The following SPACA7 variants were observed in gnomAD, a reference collection of about 807,000 sequenced individuals.
The protein encoded by SPACA7 is sperm acrosome associated 7.
A neutral mutation model predicts 26.3 loss-of-function variants in SPACA7; 19 were observed. The observed-to-expected ratio is 0.72, with a 90% CI of 0.50 to 1.06. The LOEUF is 1.06. Among genes scored for constraint, SPACA7 ranks in the 50% least tolerant of loss-of-function variants. The pLI, the probability that SPACA7 is intolerant of heterozygous loss-of-function variation, is 0.00. For missense variants in SPACA7, 211 were observed against 229.9 expected (o/e 0.92, Z 0.53); for synonymous variants, 84 against 84.5 (o/e 0.99, Z 0.04).
chr13:112,389,687 A>C (rs1884749740), intron 1 of SPACA7, among the ~76,000 whole-genome samples: 2 of 152,246 alleles, frequency 1.3e-5, no homozygotes, highest in South Asian at 2.1e-4. Flanking sequence ...GTACATACAC[A>C]TACAGACAGA....
chr13:112,382,201 G>A (rs938229701), intron 1 of SPACA7: 21 of 455,080 alleles, frequency 4.6e-5, no homozygotes, highest in Non-Finnish European at 2.7e-5. Flanking sequence ...TCTTGCAAAC[G>A]TGGTTTCAAT....
At chr13:112,394,681 T>TA (rs1186673974) in intron 2 of SPACA7, among the ~76,000 whole-genome samples, 1 of 152,190 alleles carries the variant, frequency 6.6e-6, no homozygotes, top group African/African-American at 2.4e-5. Flanking sequence ...AGGCAGGAGT[T>TA]AGACTCCCCA....
At chr13:112,393,984 C>CAA (rs35094954) in intron 2 of SPACA7, among the ~76,000 whole-genome samples, 15,944 of 133,130 alleles carry the variant, frequency 0.12, 1,987 homozygotes, top group African/African-American at 0.32. Context: ...GACTCTGTCT[C>CAA]AAAAAAAAAA....
At chr13:112,396,969 CA>C (rs1885309558) in intron 2 of SPACA7, among the ~76,000 whole-genome samples, 1 of 152,156 alleles carries the variant, frequency 6.6e-6, no homozygotes, top group Non-Finnish European at 1.5e-5. Context: ...AAATTCCTCG[CA>C]GAGCTGGTAG....
chr13:112,397,425 T>C (rs1885347143), intron 2 of SPACA7, among the ~76,000 whole-genome samples: 1 of 152,184 alleles, frequency 6.6e-6, no homozygotes, highest in South Asian at 2.1e-4. Flanking sequence ...ACCTTCTGCA[T>C]ACACTGCTTT....
chr13:112,408,687 GAAC>G (rs1481629143), intron 5 of SPACA7, among the ~76,000 whole-genome samples: 1 of 152,066 alleles, frequency 6.6e-6, no homozygotes, highest in Non-Finnish European at 1.5e-5. Flanking sequence ...TCTTCAAGGA[GAAC>G]AACAAACCAC....
At chr13:112,416,569 G>A (rs1169679798) in intron 5 of SPACA7, among the ~76,000 whole-genome samples, 1 of 152,162 alleles carries the variant, frequency 6.6e-6, no homozygotes, top group Non-Finnish European at 1.5e-5. Flanking sequence ...TTACAGGTGT[G>A]AGCCACCATG....
intron 1 of SPACA7, among the ~76,000 whole-genome samples, chr13:112,377,903 G>A (rs895670476): frequency 3.9e-5 from 6 of 152,174 alleles, no homozygotes; most frequent in African/African-American, 4.8e-5. Flanking sequence ...ATTTATAGTT[G>A]GAAACACAGT....
chr13:112,408,354 G>A (rs993705534), intron 5 of SPACA7, among the ~76,000 whole-genome samples: 14 of 152,142 alleles, frequency 9.2e-5, no homozygotes, highest in African/African-American at 3.4e-4. Flanking sequence ...ACATAGTGTT[G>A]GAAATTCCAG....
chr13:112,388,208 T>A (rs1446790315), intron 1 of SPACA7, among the ~76,000 whole-genome samples: 57 of 152,196 alleles, frequency 3.7e-4, no homozygotes. Context: ...AGAGTATCCC[T>A]TTCAAACTAT....
At position 112,434,577 on chromosome 13, in the gene SPACA7, G is replaced by C; in HGVS notation, c.*28G>C. The stretch of plus-strand genomic sequence containing the variant: ...CCGCAGCCCCAGACCCCCTGCGCAG[G>C]AGAGGAGCCTGCTAGAACCCCCACC... On this transcript the variant is annotated 3_prime_UTR_variant, in exon 7 of 7. Transcript: ENST00000283550. The C allele has an allele frequency of 1.3e-6, 2 of 1,577,972 alleles. No individual in the cohort carries two copies. The highest frequency in any genetic ancestry group is 2.3e-5 in the East Asian group (1 of 43,260).
intron 5 of SPACA7, among the ~76,000 whole-genome samples, chr13:112,432,036 T>C (rs1355844705): frequency 6.6e-6 from 1 of 152,182 alleles, no homozygotes; most frequent in Non-Finnish European, 1.5e-5. Flanking sequence ...AAAACCTGTG[T>C]CCGGGTCCAA....
At chr13:112,396,625 A>G (rs1885280499) in intron 2 of SPACA7, among the ~76,000 whole-genome samples, 1 of 152,138 alleles carries the variant, frequency 6.6e-6, no homozygotes, top group Admixed American at 6.5e-5. Flanking sequence ...CAAGACCCCT[A>G]TCTCACTGGA....
At chr13:112,412,426 T>C (rs114686325) in intron 5 of SPACA7, among the ~76,000 whole-genome samples, 2,388 of 152,282 alleles carry the variant, frequency 0.016, 55 homozygotes, top group African/African-American at 0.055. Context: ...TTATTGATTG[T>C]TTCATTAGTT....
intron 1 of SPACA7, chr13:112,382,465 C>G (rs1484069596): frequency 6.5e-6 from 10 of 1,550,200 alleles, no homozygotes; most frequent in Non-Finnish European, 8.7e-6. Flanking sequence ...CTGGCTTCTT[C>G]CCACTGACAG....
chr13:112,401,914 C>T (rs2138963557), intron 5 of SPACA7, among the ~76,000 whole-genome samples: 1 of 152,306 alleles, frequency 6.6e-6, no homozygotes, highest in East Asian at 1.9e-4. Flanking sequence ...ACTGTCCTGT[C>T]TGGGCCATGC....
chr13:112,396,968 G>A (rs546538593), intron 2 of SPACA7, among the ~76,000 whole-genome samples: 1 of 152,144 alleles, frequency 6.6e-6, no homozygotes, highest in East Asian at 1.9e-4. Context: ...CAAATTCCTC[G>A]CAGAGCTGGT....
At chr13:112,393,909 C>A (rs1284571182) in intron 2 of SPACA7, among the ~76,000 whole-genome samples, 4 of 151,584 alleles carry the variant, frequency 2.6e-5, no homozygotes, top group Admixed American at 2.6e-4. Context: ...TCCCTTGAAC[C>A]CTGGAGGCAG....
chr13:112,399,321 C>T, intron 4 of SPACA7, 148 bp downstream of exon 4: 1 of 656,924 alleles, frequency 1.5e-6, no homozygotes, highest in Non-Finnish European at 2.7e-6. Context: ...GGGCAGATCT[C>T]CCAGTCTCTG....
Sources: gnomAD v4.1 joint callset for allele counts (sites outside exome capture counted in the v4.1 genomes callset) on GRCh38, gnomAD v4.1.1 for gene constraint, MANE v1.5 for transcripts, NCBI Gene and HGNC (gene_info 2026-07-23, HGNC 2026-07-21) for gene names.